Variants in HADHA observed in about 807,000 individuals in gnomAD.
HADHA encodes the protein hydroxyacyl-CoA dehydrogenase trifunctional multienzyme complex subunit alpha.
In HADHA, 59 loss-of-function variants were observed where a neutral mutation model predicts 91.3. The observed-to-expected ratio is 0.65, with a 90% CI of 0.52 to 0.80. The LOEUF is 0.80. Ranked by LOEUF, HADHA falls within the 30% of genes least tolerant of loss-of-function variation. The probability of loss-of-function intolerance (pLI) is 0.00; values close to 1 mark genes in which losing one functional copy is unlikely to be tolerated. For synonymous variants in HADHA, 320 were observed against 338.9 expected (o/e 0.94, Z 0.61); for missense variants, 800 against 927.6 (o/e 0.86, Z 1.79).
intron 13 of HADHA, among the ~76,000 whole-genome samples, chr2:26,200,040 G>A (rs1018587790): frequency 1.3e-5 from 2 of 152,238 alleles, no homozygotes; most frequent in African/African-American, 4.8e-5. Flanking sequence ...AGATACTAGA[G>A]AGGACAACCG....
Position 26,195,116 on chromosome 2 carries a change from C to G in HADHA, c.1596G>C (p.Gln532His), listed in dbSNP as rs1004898768. 4.3e-6 allele frequency: 7 copies of G among 1,613,506 alleles called. No individual in the cohort carries two copies. The Admixed American group carries it at 6.7e-5, about 15-fold the overall frequency. The change falls in exon 15 of 20, where the codon CAG (glutamine) becomes CAC (histidine). Residue 532 changes from glutamine to histidine, a missense_variant. Transcript: ENST00000380649. ...SASAVAVGLK[Q>H]GKVIIVVKDG... ...CCTTAACCACAATGATGACCTTCCC[C>G]TGCTTGAGACCAACTGCTACAGCTG...
Position 26,229,926 on chromosome 2 carries a change from C to A in HADHA, c.676+266G>T, listed in dbSNP as rs1670579994. Among the ~76,000 whole-genome samples the A allele has an allele frequency of 1.3e-5, 2 of 152,208 alleles. No homozygotes were observed. Among genetic ancestry groups the A allele is most frequent in the African/African-American group, 2.4e-5 (1 of 41,452 alleles). On this transcript the variant is annotated intron_variant, in intron 7 of 19. Transcript: ENST00000380649. The surrounding 1 kb of genome is among the most constrained non-coding windows in gnomAD (Gnocchi z 4.3). ...ACTGCAACCTCAGCCCCGCCAGGTT[C>A]AAGCGATCCTCCTGCCTCAGCCTCC...
rs569415130 is a variant in HADHA, at chr2:26,197,329, G to A, written c.1479+362C>T. 4.9e-4 allele frequency among the ~76,000 whole-genome samples: 75 copies of A among 152,286 alleles called. 1 individual carries two copies. The highest frequency in any genetic ancestry group is 4.8e-3 in the Admixed American group (74 of 15,300). On this transcript the variant is annotated intron_variant, in intron 14 of 19. Transcript: ENST00000380649. ...CATTCCTGCCATTCCCTGATCTGGAGGTGGAACCAAACCTGTTCTAAACAG... is the reference window on the plus strand; with the variant it reads ...CATTCCTGCCATTCCCTGATCTGGAAGTGGAACCAAACCTGTTCTAAACAG...
rs1670369577 is a variant in HADHA, at chr2:26,221,266, GCAGA to G, written c.677-6095_677-6092del. Among the ~76,000 whole-genome samples, 1 of 152,306 alleles carries G rather than the reference GCAGA, an allele frequency of 6.6e-6. No individual in the cohort carries two copies. The highest frequency in any genetic ancestry group is 2.4e-5 in the African/African-American group (1 of 41,562). ...CCTGATGGCGCCTGAAGTGTCGGCA[GCAGA>G]CAGAGGTGCTGTCTGGAGTCTTTAA... On this transcript the variant is annotated intron_variant, in intron 7 of 19. Coordinates refer to ENST00000380649, the MANE Select transcript of HADHA (RefSeq NM_000182.5). This position sits in a 1 kb window ranked among gnomAD's most constrained non-coding sequence, Gnocchi z 4.8.
chr2:26,244,495 C>T (rs1201640408), intron 1 of HADHA, 35 bp downstream of exon 1: 1 of 1,554,298 alleles, frequency 6.4e-7, no homozygotes. Flanking sequence ...AGGAGTTCTG[C>T]CCGGAGGTCT....
rs199857377 is a variant in HADHA at position 26,191,483 on chromosome 2, C to G, written c.2146G>C (p.Gly716Arg). The G allele has an allele frequency of 9.3e-6, 15 of 1,614,206 alleles. No homozygotes were observed. Among genetic ancestry groups the G allele is most frequent in the Non-Finnish European group, 1.3e-5 (15 of 1,180,022 alleles). ...TTCCTTCCCAACCTGCGAGACCAAC[C>G]TCCCAGACAAGGCGGGAAGCCAAGC... is the stretch of plus-strand genomic sequence containing the variant. The part of the protein sequence containing the change: ...FGLGFPPCLG[G>R]PFRFVDLYGA... The change falls in exon 19 of 20, where the codon GGG becomes CGG. Residue 716 changes from glycine to arginine, a missense_variant and splice_region_variant. Physicochemically the swap from Gly to Arg is moderately radical, Grantham distance 125. Transcript: ENST00000380649.
chr2:26,220,452 G>A (rs1670348525), intron 7 of HADHA, among the ~76,000 whole-genome samples: 1 of 152,160 alleles, frequency 6.6e-6, no homozygotes, highest in East Asian at 1.9e-4. Flanking sequence ...TCACCATCAA[G>A]GACTGAAAGC....
intron 10 of HADHA, chr2:26,212,229 G>C (rs188170123): frequency 1.2e-3 from 419 of 350,480 alleles, no homozygotes; most frequent in African/African-American, 8.7e-3. Flanking sequence ...TGGGACTGTG[G>C]GTGCATGCCA....
At chr2:26,205,797 ATT>A (rs201531405) in intron 11 of HADHA, among the ~76,000 whole-genome samples, 32 of 149,706 alleles carry the variant, frequency 2.1e-4, no homozygotes, top group African/African-American at 8.0e-4. Flanking sequence ...GTGAGACTCC[ATT>A]TTTTTTAAAA....
intron 7 of HADHA, among the ~76,000 whole-genome samples, chr2:26,224,445 G>A (rs1049413192): frequency 6.6e-6 from 1 of 152,052 alleles, no homozygotes; most frequent in Non-Finnish European, 1.5e-5. Context: ...TATTTATGAG[G>A]ATTTCTTATT....
chr2:26,201,268 T>C lies in HADHA; in HGVS notation c.1273A>G (p.Ile425Val). The C allele has an allele frequency of 2.5e-6, 4 of 1,612,078 alleles. No individual in the cohort carries two copies. Among genetic ancestry groups the C allele is most frequent in the Non-Finnish European group, 3.4e-6 (4 of 1,178,112 alleles). The part of the protein sequence containing the change: ...KALTSFERDS[I>V]FSNLTGQLDY... Reference sequence around the variant, plus strand: ...AGCTGCCCAGTCAAGTTGCTGAAGATGGAATCCCTTTCAAATGATGTTAGA... The same window carrying C: ...AGCTGCCCAGTCAAGTTGCTGAAGACGGAATCCCTTTCAAATGATGTTAGA... Residue 425 changes from isoleucine (I) to valine (V), a missense_variant, in exon 13 of 20, where the codon ATC becomes GTC. By Grantham distance (29) the Ile-to-Val change is conservative. Coordinates refer to ENST00000380649, the MANE Select transcript of HADHA (RefSeq NM_000182.5).
intron 7 of HADHA, among the ~76,000 whole-genome samples, chr2:26,220,442 T>A (rs889420409): frequency 3.3e-5 from 5 of 152,222 alleles, no homozygotes; most frequent in East Asian, 3.8e-4. Flanking sequence ...GAGATTAGTG[T>A]CACCATCAAG....
In HADHA at chr2:26,232,171, G is replaced by A. The variant is rs759632214; in HGVS notation, c.562C>T (p.Leu188=). 1.2e-6 allele frequency: 2 copies of A among 1,610,408 alleles called. No homozygotes were observed. Among genetic ancestry groups the A allele is most frequent in the Non-Finnish European group, 1.7e-6 (2 of 1,176,626 alleles). Residue 188 remains leucine (L), a synonymous_variant, in exon 6 of 20, where the codon CTG becomes TTG. Coordinates refer to ENST00000380649, the MANE Select transcript of HADHA (RefSeq NM_000182.5). Reference sequence around the variant, plus strand: ...GATGTTAGACTCACCATTTTGGGCAGCCTTTGTGTGCCTCCTGCTCCTGGT... The same window carrying A: ...GATGTTAGACTCACCATTTTGGGCAACCTTTGTGTGCCTCCTGCTCCTGGT... ...ALPGAGGTQR[L]PKMVGVPAAL...
In HADHA at chr2:26,210,803, G is replaced by A. The variant is rs1670083478; in HGVS notation, c.976-914C>T. 6.6e-6 allele frequency: 1 copy of A among 152,128 alleles called. No individual in the cohort carries two copies. Among genetic ancestry groups the A allele is most frequent in the African/African-American group, 2.4e-5 (1 of 41,416 alleles). 9.4% of individuals were successfully genotyped at this position (152,128 alleles called of 1,614,324 possible). A position where few individuals can be genotyped will look rare whatever the true frequency, so the allele number is the denominator to read the frequency against. On this transcript the variant is annotated intron_variant, in intron 10 of 19. Coordinates refer to ENST00000380649, the MANE Select transcript of HADHA (RefSeq NM_000182.5). This position sits in a 1 kb window ranked among gnomAD's most constrained non-coding sequence, Gnocchi z 4.0. ...GTCTCTGCCACTGCCCCATTGTGAA[G>A]CTTTCTTCATCCTTAAAAATGGGAA...
At chr2:26,239,927 A>G (rs2147786049) in intron 1 of HADHA, among the ~76,000 whole-genome samples, 1 of 152,286 alleles carries the variant, frequency 6.6e-6, no homozygotes, top group Middle Eastern at 3.4e-3. Context: ...GTGTTTTAAG[A>G]TGGGAGAAGC....
rs748383106 is a variant in HADHA at position 26,238,947 on chromosome 2, G to C, written c.167C>G (p.Ser56Cys). 6.2e-7 allele frequency: 1 copy of C among 1,600,456 alleles called. No homozygotes were observed. The highest frequency in any genetic ancestry group is 8.6e-7 in the Non-Finnish European group (1 of 1,168,788). ...TAAATGAGATACCTTTGAATTGGGAGAGTTAATTCGAACAACTGCCACATC... is the reference window on the plus strand; with the variant it reads ...TAAATGAGATACCTTTGAATTGGGACAGTTAATTCGAACAACTGCCACATC... The part of the protein sequence containing the change: ...KGDVAVVRIN[S>C]PNSKVNTLSK... The change falls in exon 3 of 20, where the codon TCT (serine) becomes TGT (cysteine). Residue 56 changes from serine to cysteine, a missense_variant. Physicochemically the swap from Ser to Cys is moderately radical, Grantham distance 112. Coordinates refer to ENST00000380649, the MANE Select transcript of HADHA (RefSeq NM_000182.5).
At chr2:26,204,038 T>C in intron 12 of HADHA, 24 bp downstream of exon 12, 3 of 1,612,086 alleles carry the variant, frequency 1.9e-6, no homozygotes, top group Non-Finnish European at 2.5e-6. Flanking sequence ...TTCTAACTCT[T>C]GCAAAGAGAG....
intron 11 of HADHA, among the ~76,000 whole-genome samples, chr2:26,208,541 C>A (rs754857552): frequency 6.6e-6 from 1 of 152,020 alleles, no homozygotes; most frequent in Non-Finnish European, 1.5e-5. Flanking sequence ...TGGAGGGATA[C>A]GGTGGGGAGG....
chr2:26,242,668 A>T (rs1670927035), intron 1 of HADHA, among the ~76,000 whole-genome samples: 1 of 152,258 alleles, frequency 6.6e-6, no homozygotes. Flanking sequence ...ACAAATGAGA[A>T]AACAAACACA....
Sources: gnomAD v4.1 joint callset for allele counts (sites outside exome capture counted in the v4.1 genomes callset) on GRCh38, gnomAD v4.1.1 for gene constraint, Gnocchi (gnomAD v3.1) non-coding constraint, MANE v1.5 for transcripts, NCBI Gene and HGNC (gene_info 2026-07-23, HGNC 2026-07-21) for gene names.